MDGA2: variants seen among roughly 807,000 people sequenced by gnomAD.
MDGA2 encodes the protein MAM domain-containing glycosylphosphatidylinositol anchor protein 2.
In MDGA2, 40 loss-of-function variants were observed where a neutral mutation model predicts 117.8. That is an observed-to-expected ratio of 0.34 (90% CI 0.26 to 0.44). MDGA2 has a LOEUF of 0.44. MDGA2 is among the 20% of genes least tolerant of loss of function. The probability of loss-of-function intolerance (pLI) is 1.00; values close to 1 mark genes in which losing one functional copy is unlikely to be tolerated. For missense variants in MDGA2, 1,123 were observed against 1,250.6 expected (o/e 0.90, Z 1.54); for synonymous variants, 452 against 439.0 (o/e 1.03, Z -0.37).
intron 9 of MDGA2, among the ~76,000 whole-genome samples, chr14:46,938,571 C>G (rs1183106019): frequency 1.3e-5 from 1 of 79,638 alleles, no homozygotes; most frequent in Non-Finnish European, 3.0e-5. Context: ...GAGACATCAT[C>G]TGACCCCAAT....
chr14:47,253,484 AC>A (rs1304919710), intron 2 of MDGA2, among the ~76,000 whole-genome samples: 1 of 152,192 alleles, frequency 6.6e-6, no homozygotes, highest in Non-Finnish European at 1.5e-5. Context: ...AATCATTAAA[AC>A]TTAAAGTTCC....
chr14:47,345,583 A>C (rs1187563797), intron 1 of MDGA2, among the ~76,000 whole-genome samples: 2 of 151,996 alleles, frequency 1.3e-5, no homozygotes, highest in Non-Finnish European at 2.9e-5. Flanking sequence ...ATTTATATCC[A>C]TACCCCCACC....
At chr14:47,321,530 T>A (rs113026424) in intron 1 of MDGA2, among the ~76,000 whole-genome samples, 5,132 of 152,252 alleles carry the variant, frequency 0.034, 282 homozygotes, top group African/African-American at 0.12. Flanking sequence ...CACCAGAGAA[T>A]GAGATTACCA....
chr14:47,221,299 C>T (rs1166477761), intron 2 of MDGA2, among the ~76,000 whole-genome samples: 1 of 120,196 alleles, frequency 8.3e-6, no homozygotes, highest in African/African-American at 2.8e-5. Context: ...AAAATGTGTC[C>T]CTGTGGGTGA....
chr14:47,090,227 A>G (rs74464553), intron 6 of MDGA2, among the ~76,000 whole-genome samples: 4,738 of 152,158 alleles, frequency 0.031, 257 homozygotes, highest in African/African-American at 0.11. Flanking sequence ...AGAGAGTTAT[A>G]ATGTTCCTGG....
At chr14:46,933,826 A>G (rs1485868153) in intron 9 of MDGA2, among the ~76,000 whole-genome samples, 1 of 60,982 alleles carries the variant, frequency 1.6e-5, no homozygotes, top group Non-Finnish European at 3.7e-5. Context: ...ATATATATAT[A>G]TATATATATA....
At chr14:47,568,422 A>G (rs1348188994) in intron 1 of MDGA2, among the ~76,000 whole-genome samples, 1 of 152,208 alleles carries the variant, frequency 6.6e-6, no homozygotes, top group Non-Finnish European at 1.5e-5. Context: ...TGGACTACGG[A>G]TTAATAACCA....
At chr14:47,492,682 T>C (rs2138656756) in intron 1 of MDGA2, among the ~76,000 whole-genome samples, 1 of 152,272 alleles carries the variant, frequency 6.6e-6, no homozygotes, top group South Asian at 2.1e-4. Context: ...ATTTTTACTT[T>C]GACAGGACAG....
intron 1 of MDGA2, among the ~76,000 whole-genome samples, chr14:47,604,062 C>T (rs141399497): frequency 6.5e-4 from 99 of 152,216 alleles, no homozygotes; most frequent in African/African-American, 2.2e-3. Context: ...AAATAAATGT[C>T]TTTTATTTCT....
At position 47,201,498 on chromosome 14, in the gene MDGA2, C is replaced by G. The variant is rs367648341; in HGVS notation, c.595+16523G>C. Among the ~76,000 whole-genome samples, 253 of 152,274 alleles carry G rather than the reference C, an allele frequency of 1.7e-3. 3 individuals are homozygous for G. The highest frequency in any genetic ancestry group is 5.7e-3 in the African/African-American group (238 of 41,568). ...ACCTACTCATCAACCTGACTGAAAC[C>G]TTAGTGCTGTTTCACAAGCCTCTCT... On this transcript the variant is annotated intron_variant, in intron 3 of 16. Transcript: ENST00000399232.
chr14:47,556,044 C>G (rs1376121543), intron 1 of MDGA2, among the ~76,000 whole-genome samples: 1 of 152,168 alleles, frequency 6.6e-6, no homozygotes, highest in East Asian at 1.9e-4. Flanking sequence ...AACATTCACT[C>G]TTACTGAGTG....
chr14:47,303,873 T>A (rs1287509906), intron 1 of MDGA2, among the ~76,000 whole-genome samples: 3 of 152,164 alleles, frequency 2.0e-5, no homozygotes, highest in Admixed American at 1.3e-4. Flanking sequence ...ATTTTTAAGG[T>A]ATATCTTTCA....
chr14:47,106,501 G>T (rs1366535755), intron 5 of MDGA2, among the ~76,000 whole-genome samples: 1 of 151,884 alleles, frequency 6.6e-6, no homozygotes, highest in Non-Finnish European at 1.5e-5. Context: ...CCCGCAGCCT[G>T]GGATTCCTCC....
intron 3 of MDGA2, among the ~76,000 whole-genome samples, chr14:47,193,411 T>A (rs1333631990): frequency 6.6e-6 from 1 of 152,156 alleles, no homozygotes; most frequent in Non-Finnish European, 1.5e-5. Flanking sequence ...GACCCATCTG[T>A]CCCAGAGTCT....
At chr14:47,522,255 C>G (rs1395573396) in intron 1 of MDGA2, among the ~76,000 whole-genome samples, 1 of 151,764 alleles carries the variant, frequency 6.6e-6, no homozygotes, top group Non-Finnish European at 1.5e-5. Flanking sequence ...TTAATCAAAA[C>G]AACATAATGT....
chr14:47,397,910 A>G (rs373352127), intron 1 of MDGA2, among the ~76,000 whole-genome samples: 1 of 152,172 alleles, frequency 6.6e-6, no homozygotes, highest in East Asian at 1.9e-4. Flanking sequence ...TAGATACCTC[A>G]AGAATTAGAA....
intron 2 of MDGA2, among the ~76,000 whole-genome samples, chr14:47,255,626 A>C (rs1024720348): frequency 6.6e-6 from 1 of 152,170 alleles, no homozygotes; most frequent in Admixed American, 6.5e-5. Flanking sequence ...CCATAGGATG[A>C]AGTTTCACTG....
intron 6 of MDGA2, among the ~76,000 whole-genome samples, chr14:47,083,165 C>A (rs1890770723): frequency 6.6e-6 from 1 of 151,864 alleles, no homozygotes; most frequent in South Asian, 2.1e-4. Context: ...TAAATATCTG[C>A]AGAAATACTG....
At chr14:47,181,379 A>G (rs1046007357) in intron 3 of MDGA2, among the ~76,000 whole-genome samples, 2 of 152,178 alleles carry the variant, frequency 1.3e-5, no homozygotes, top group African/African-American at 2.4e-5. Flanking sequence ...ACCAACCTAA[A>G]TGTCCATCAA....
Sources: gnomAD v4.1 joint callset for allele counts (sites outside exome capture counted in the v4.1 genomes callset) on GRCh38, gnomAD v4.1.1 for gene constraint, MANE v1.5 for transcripts, NCBI Gene and HGNC (gene_info 2026-07-23, HGNC 2026-07-21) for gene names.